The following FNIP2 variants were observed in gnomAD, a reference collection of about 807,000 sequenced individuals.
The protein encoded by FNIP2 is folliculin-interacting protein 2.
In FNIP2, 32 loss-of-function variants were observed where a neutral mutation model predicts 108.7. That is an observed-to-expected ratio of 0.29 (90% confidence interval 0.22 to 0.40). FNIP2 has a LOEUF of 0.40. Among genes scored for constraint, FNIP2 ranks in the 10% least tolerant of loss-of-function variants. The pLI is 1.00. For missense variants in FNIP2, 1,202 were observed against 1,381.6 expected, an observed-to-expected ratio of 0.87 and a Z score of 2.06; for synonymous variants, 480 against 496.7, an observed-to-expected ratio of 0.97 and a Z score of 0.45.
chr4:158,868,219 C>G lies in FNIP2; in HGVS notation c.1583C>G (p.Ser528Cys). 6.2e-7 allele frequency: 1 copy of G among 1,614,018 alleles called. No homozygotes were observed. Among genetic ancestry groups the G allele is most frequent in the Non-Finnish European group, 8.5e-7 (1 of 1,179,900 alleles). Residue 528 changes from serine to cysteine, a missense_variant, in exon 13 of 17, where the codon TCT becomes TGT. By Grantham distance (112) the Ser-to-Cys change is moderately radical. This residue lies in a region of FNIP2 where 878 missense variants were observed against 990.3 expected (regional missense o/e 0.89). Transcript: ENST00000264433. This position sits in a 1 kb window ranked among gnomAD's most constrained non-coding sequence, Gnocchi z 4.6. ...GTCCTGACCTACTTTCTCCGTTGCTCTGAGCTACAAGAGAACCAGCTGACC... is the reference window on the plus strand; with the variant it reads ...GTCCTGACCTACTTTCTCCGTTGCTGTGAGCTACAAGAGAACCAGCTGACC... ...LYVLTYFLRC[S>C]ELQENQLTWS...
chr4:158,819,618 A>G (rs1020250116), intron 1 of FNIP2, among the ~76,000 whole-genome samples: 1 of 152,366 alleles, frequency 6.6e-6, no homozygotes, highest in East Asian at 1.9e-4. Context: ...GAGTACTAAC[A>G]TAGCAAAAGA....
chr4:158,825,994 C>A lies in FNIP2; in HGVS notation c.186C>A (p.Val62=). 1 of 1,609,010 alleles carries A rather than the reference C, an allele frequency of 6.2e-7. No individual in the cohort carries two copies. The highest frequency in any genetic ancestry group is 1.1e-5 in the South Asian group (1 of 91,000). The change falls in exon 2 of 17, where the codon GTC becomes GTA. Residue 62 remains valine, a synonymous_variant. Transcript: ENST00000264433. ...YQDCDRRGRQ[V]LFDSKAVQKI... is the part of the protein sequence containing the mutation. ...ACTGTGACAGGAGAGGCAGACAAGT[C>A]TTGTTTGACTCTAAAGCTGTTCAAA...
At chr4:158,825,871 T>G (rs1311474648) in intron 1 of FNIP2, 45 bp from the exon 2 acceptor site, 3 of 1,585,670 alleles carry the variant, frequency 1.9e-6, no homozygotes, top group Non-Finnish European at 2.6e-6. Flanking sequence ...GATCATCTCA[T>G]GTGCTGCAGA....
intron 1 of FNIP2, among the ~76,000 whole-genome samples, chr4:158,821,583 G>C (rs1777885207): frequency 6.6e-6 from 1 of 152,160 alleles, no homozygotes; most frequent in African/African-American, 2.4e-5. Flanking sequence ...TGTGTATAAG[G>C]GATGGCAGGG....
chr4:158,860,474 C>T (rs1168152065), intron 10 of FNIP2, among the ~76,000 whole-genome samples: 2 of 151,958 alleles, frequency 1.3e-5, no homozygotes, highest in Non-Finnish European at 2.9e-5. Context: ...TACTTATTAT[C>T]TGGTGATTGC....
chr4:158,821,342 A>G (rs555087139), intron 1 of FNIP2, among the ~76,000 whole-genome samples: 1 of 152,366 alleles, frequency 6.6e-6, no homozygotes, highest in African/African-American at 2.4e-5. Context: ...ATTAGAATAC[A>G]TTTCCCTGAA....
intron 14 of FNIP2, among the ~76,000 whole-genome samples, chr4:158,880,686 A>T (rs1560827359): frequency 1.3e-5 from 2 of 152,200 alleles, no homozygotes; most frequent in East Asian, 3.8e-4. Flanking sequence ...GATGGATTTG[A>T]GACTGAAGGG....
intron 7 of FNIP2, among the ~76,000 whole-genome samples, chr4:158,850,254 G>A (rs2126647788): frequency 6.6e-6 from 1 of 152,256 alleles, no homozygotes; most frequent in African/African-American, 2.4e-5. Flanking sequence ...TTCAGAAAAT[G>A]TTGACTGGCC....
chr4:158,800,501 T>TGG (rs1452829372), intron 1 of FNIP2, among the ~76,000 whole-genome samples: 14 of 152,314 alleles, frequency 9.2e-5, no homozygotes, highest in Non-Finnish European at 1.9e-4. Flanking sequence ...ATGATTCTCT[T>TGG]AAAATAAAGC....
At chr4:158,836,353 A>G (rs1358032526) in intron 7 of FNIP2, 1 of 152,190 alleles carries the variant, frequency 6.6e-6, no homozygotes, top group Non-Finnish European at 1.5e-5. Context: ...CTCTTGTGTT[A>G]ATAAATGAAA....
chr4:158,901,458 T>C (rs777323217), intron 16 of FNIP2, among the ~76,000 whole-genome samples: 3 of 152,082 alleles, frequency 2.0e-5, no homozygotes, highest in Non-Finnish European at 4.4e-5. Context: ...ATCTGACCAT[T>C]ATGTGTCTTG....
intron 16 of FNIP2, among the ~76,000 whole-genome samples, chr4:158,902,340 C>T (rs987884323): frequency 1.2e-4 from 19 of 152,324 alleles, no homozygotes; most frequent in African/African-American, 4.3e-4. Context: ...AGATTGCTGC[C>T]TGTTCCTTCC....
Position 158,868,662 on chromosome 4 carries a change from A to G in FNIP2, c.2026A>G (p.Lys676Glu), listed in dbSNP as rs1780735302. ...CTGTGAAGTTTTGGGGGCAGGAATG[A>G]AGATGGACCAGCAAGCTGTCTGTGA... ...PSCEVLGAGMKMDQQAVCELL... is the reference protein window; with the variant it reads ...PSCEVLGAGMEMDQQAVCELL... The change falls in exon 13 of 17, where the codon AAG becomes GAG. Residue 676 changes from lysine to glutamate, a missense_variant. Coordinates refer to ENST00000264433, the MANE Select transcript of FNIP2 (RefSeq NM_020840.3). This position sits in a 1 kb window ranked among gnomAD's most constrained non-coding sequence, Gnocchi z 4.6. 1 of 1,614,040 alleles carries G rather than the reference A, an allele frequency of 6.2e-7. No individual in the cohort carries two copies. Among genetic ancestry groups the G allele is most frequent in the African/African-American group, 1.3e-5 (1 of 75,068 alleles).
intron 3 of FNIP2, 63 bp downstream of exon 3, chr4:158,829,288 T>A: frequency 1.4e-6 from 2 of 1,420,518 alleles, no homozygotes; most frequent in Non-Finnish European, 1.9e-6. Context: ...TAATTTCTCC[T>A]TGGGAAATAA....
chr4:158,872,407 G>A (rs1020363102), intron 14 of FNIP2: 8 of 985,110 alleles, frequency 8.1e-6, no homozygotes, highest in Admixed American at 6.2e-5. Context: ...AAGCTTTTTC[G>A]TATTTCATTT....
In FNIP2 at chr4:158,836,811, CAAAAAAAAAAAAAA is replaced by C. The variant is rs34469888; in HGVS notation, c.727+1349_727+1362del. The stretch of plus-strand genomic sequence containing the variant: ...AGGCTGGACAACAGAGACTCCGTCT[CAAAAAAAAAAAAAA>C]AAAAAAAAAAAAAGAGACTCATTGA... On this transcript the variant is annotated intron_variant, in intron 7 of 16. Transcript: ENST00000264433. Among the ~76,000 whole-genome samples the C allele has an allele frequency of 7.8e-4, 31 of 39,582 alleles. No individual in the cohort carries two copies. In the South Asian group the frequency reaches 0.013, roughly 16 times the overall value. 26.0% of individuals were successfully genotyped at this position (39,582 alleles called of 152,430 possible).
At chr4:158,819,558 G>A (rs1196777851) in intron 1 of FNIP2, among the ~76,000 whole-genome samples, 1 of 152,254 alleles carries the variant, frequency 6.6e-6, no homozygotes, top group Non-Finnish European at 1.5e-5. Flanking sequence ...AGCTGAGGCT[G>A]TATAAGTGCA....
chr4:158,879,443 G>A (rs1257933508), intron 14 of FNIP2, among the ~76,000 whole-genome samples: 1 of 150,482 alleles, frequency 6.6e-6, no homozygotes, highest in Non-Finnish European at 1.5e-5. Flanking sequence ...GAGAAGCAGG[G>A]AAGAGTGCAG....
intron 14 of FNIP2, among the ~76,000 whole-genome samples, chr4:158,882,784 G>C (rs1273082678): frequency 2.0e-5 from 3 of 152,184 alleles, no homozygotes; most frequent in Admixed American, 6.5e-5. Context: ...TTGTTAAACA[G>C]ATGCTTGAAG....
Sources: allele counts gnomAD v4.1 joint callset (sites outside exome capture counted in the v4.1 genomes callset), GRCh38; gene constraint gnomAD v4.1.1; regional missense constraint gnomAD v4.1.1; non-coding constraint Gnocchi (gnomAD v3.1); transcripts MANE v1.5; gene names NCBI Gene and HGNC (gene_info 2026-07-23, HGNC 2026-07-21).